GPC5: variants seen among roughly 807,000 people sequenced by gnomAD.
The protein encoded by GPC5 is glypican 5.
A neutral mutation model predicts 53.9 loss-of-function variants in GPC5; 47 were observed. The observed-to-expected ratio is 0.87, with a 90% confidence interval of 0.69 to 1.11. The LOEUF is 1.11. Ranked by LOEUF, GPC5 falls within the 50% of genes most tolerant of loss-of-function variation. GPC5 has a pLI of 0.00. For missense variants in GPC5, 748 were observed against 713.1 expected, an observed-to-expected ratio of 1.05 and a Z score of -0.56; for synonymous variants, 286 against 263.3, an observed-to-expected ratio of 1.09 and a Z score of -0.84.
At chr13:92,664,609 G>A (rs1190073402) in intron 7 of GPC5, among the ~76,000 whole-genome samples, 4 of 152,042 alleles carry the variant, frequency 2.6e-5, no homozygotes, top group Non-Finnish European at 5.9e-5. Flanking sequence ...CAACCTCAAT[G>A]ATAACTTTTT....
At chr13:92,752,896 G>T (rs573934399) in intron 7 of GPC5, among the ~76,000 whole-genome samples, 6 of 152,136 alleles carry the variant, frequency 3.9e-5, no homozygotes, top group South Asian at 4.1e-4. Context: ...ACTGCAAGGC[G>T]GCAGTGAGGC....
intron 6 of GPC5, among the ~76,000 whole-genome samples, chr13:91,957,690 A>T (rs185481389): frequency 6.6e-6 from 1 of 152,242 alleles, no homozygotes; most frequent in Non-Finnish European, 1.5e-5. Flanking sequence ...AGGATACAGC[A>T]AAGTTATCCT....
At chr13:91,400,404 G>C (rs968444514) in intron 1 of GPC5, among the ~76,000 whole-genome samples, 3 of 152,140 alleles carry the variant, frequency 2.0e-5, no homozygotes, top group African/African-American at 4.8e-5. Flanking sequence ...CTATTTCTTT[G>C]TATACCTGTT....
chr13:92,345,550 C>A (rs1012323451), intron 7 of GPC5, among the ~76,000 whole-genome samples: 2 of 152,174 alleles, frequency 1.3e-5, no homozygotes, highest in Non-Finnish European at 1.5e-5. Context: ...TTTTTGAAAA[C>A]CTTGATACTT....
chr13:91,917,468 G>T (rs2039670679), intron 6 of GPC5, among the ~76,000 whole-genome samples: 1 of 152,182 alleles, frequency 6.6e-6, no homozygotes, highest in Non-Finnish European at 1.5e-5. Context: ...CAAGCTGTTG[G>T]TGGATCTACC....
chr13:92,763,642 C>G (rs576149442), intron 7 of GPC5, among the ~76,000 whole-genome samples: 4 of 152,108 alleles, frequency 2.6e-5, no homozygotes, highest in African/African-American at 7.2e-5. Context: ...CATAAAGAGA[C>G]TTTGCCACCT....
intron 7 of GPC5, among the ~76,000 whole-genome samples, chr13:92,394,372 T>C (rs935500879): frequency 1.3e-5 from 2 of 152,112 alleles, no homozygotes; most frequent in African/African-American, 4.8e-5. Flanking sequence ...AATGAAGGCT[T>C]TGAGAGGCAC....
intron 6 of GPC5, among the ~76,000 whole-genome samples, chr13:91,918,679 C>A (rs1441864018): frequency 6.6e-6 from 1 of 152,100 alleles, no homozygotes; most frequent in Non-Finnish European, 1.5e-5. Context: ...AAACCAATAG[C>A]CTTTTTTTCA....
rs1383910232 is a variant in GPC5, at chr13:92,602,231, A to T, written c.1562-264051A>T. On this transcript the variant is annotated intron_variant, in intron 7 of 7. Coordinates refer to ENST00000377067, the MANE Select transcript of GPC5 (RefSeq NM_004466.6). Reference sequence around the variant, plus strand: ...ATTACATATATATAAATATATATATAACATATATATATATATATATATATA... The same window carrying T: ...ATTACATATATATAAATATATATATTACATATATATATATATATATATATA... Among the ~76,000 whole-genome samples, 61 of 4,950 alleles carry T rather than the reference A, an allele frequency of 0.012. No homozygotes were observed. In the South Asian group the frequency reaches 0.33, roughly 27 times the overall value. The allele number at this position is 4,950 out of a possible 152,430, so 3.2% of individuals were successfully genotyped here. A position where few individuals can be genotyped will look rare whatever the true frequency, so the allele number is the denominator to read the frequency against.
chr13:92,370,540 A>AC (rs75136120), intron 7 of GPC5, among the ~76,000 whole-genome samples: 88,960 of 151,554 alleles, frequency 0.59, 26,395 homozygotes, highest in East Asian at 0.83. Flanking sequence ...GAAAAAAAAA[A>AC]CAGCTTGTCA....
intron 1 of GPC5, among the ~76,000 whole-genome samples, chr13:91,440,610 A>T (rs1055109199): frequency 1.3e-5 from 2 of 152,148 alleles, no homozygotes; most frequent in Non-Finnish European, 2.9e-5. Context: ...TATCTCTTGA[A>T]TAGGGTCATG....
intron 7 of GPC5, among the ~76,000 whole-genome samples, chr13:92,162,791 G>T (rs1259304759): frequency 1.3e-5 from 2 of 152,132 alleles, no homozygotes; most frequent in African/African-American, 4.8e-5. Flanking sequence ...CAAATAAGTT[G>T]ATGACATAAA....
chr13:91,873,917 A>G (rs895291668), intron 5 of GPC5, among the ~76,000 whole-genome samples: 3 of 152,050 alleles, frequency 2.0e-5, no homozygotes, highest in Non-Finnish European at 4.4e-5. Context: ...CCTGAACTCA[A>G]ACTATCCTCC....
At chr13:92,385,413 T>TATATATACATATATAC (rs201016219) in intron 7 of GPC5, among the ~76,000 whole-genome samples, 5 of 71,114 alleles carry the variant, frequency 7.0e-5, no homozygotes, top group Non-Finnish European at 1.4e-4. Context: ...TATATACACA[T>TATATATACATATATAC]ATATATACAT....
intron 6 of GPC5, among the ~76,000 whole-genome samples, chr13:91,972,951 T>C (rs1389906843): frequency 6.6e-6 from 1 of 152,108 alleles, no homozygotes; most frequent in Non-Finnish European, 1.5e-5. Context: ...TGTTTTGGAG[T>C]TGCTCTTCTC....
chr13:91,683,968 T>C (rs1450696791), intron 2 of GPC5, among the ~76,000 whole-genome samples: 1 of 152,254 alleles, frequency 6.6e-6, no homozygotes, highest in Middle Eastern at 3.2e-3. Flanking sequence ...AAGCAGCTGT[T>C]ATCAAGGTTG....
At chr13:92,432,292 C>T (rs1877122265) in intron 7 of GPC5, among the ~76,000 whole-genome samples, 1 of 150,532 alleles carries the variant, frequency 6.6e-6, no homozygotes, top group Admixed American at 6.6e-5. Context: ...ACAACTCAGT[C>T]AATGGTATTT....
At chr13:91,948,270 A>C (rs2039994077) in intron 6 of GPC5, among the ~76,000 whole-genome samples, 1 of 150,800 alleles carries the variant, frequency 6.6e-6, no homozygotes, top group African/African-American at 2.4e-5. Flanking sequence ...TAAATAAATA[A>C]ATATACTTAT....
chr13:91,986,697 C>A (rs752896622), intron 6 of GPC5, among the ~76,000 whole-genome samples: 1 of 152,156 alleles, frequency 6.6e-6, no homozygotes, highest in East Asian at 1.9e-4. Flanking sequence ...CTCACTAGAC[C>A]TAAGTTCCTT....
Sources: allele counts gnomAD v4.1 joint callset (sites outside exome capture counted in the v4.1 genomes callset), GRCh38; gene constraint gnomAD v4.1.1; transcripts MANE v1.5; gene names NCBI Gene and HGNC (gene_info 2026-07-23, HGNC 2026-07-21).